EBF4: variants seen among roughly 807,000 people sequenced by gnomAD.
The protein encoded by EBF4 is EBF transcription factor 4.
EBF4 carries 34 observed loss-of-function variants against 67.1 expected under a neutral mutation model. The observed-to-expected ratio is 0.51, with a 90% CI of 0.39 to 0.67. EBF4 has a LOEUF of 0.67. Among genes scored for constraint, EBF4 ranks in the 30% least tolerant of loss-of-function variants. The pLI, the probability that EBF4 is intolerant of heterozygous loss-of-function variation, is 0.00. For missense variants in EBF4, 837 were observed against 873.3 expected (o/e 0.96, Z 0.52); for synonymous variants, 387 against 377.7 (o/e 1.02, Z -0.29).
At chr20:2,752,302 CCACCGCCCCTCCCCGGCCGG>C (rs1282510374) in intron 13 of EBF4, 35 bp from the exon 14 acceptor site, 2 of 1,206,484 alleles carry the variant, frequency 1.7e-6, no homozygotes, top group Non-Finnish European at 1.0e-6. Flanking sequence ...TCGGGCGCCG[CCACCGCCCCTCCCCGGCCGG>C]CACCGCCCCC....
chr20:2,741,454 A>G (rs1296578460), intron 6 of EBF4, among the ~76,000 whole-genome samples: 1 of 152,224 alleles, frequency 6.6e-6, no homozygotes, highest in Admixed American at 6.5e-5. Flanking sequence ...TGGGGAGTTA[A>G]TGCAATGGTG....
At position 2,755,025 on chromosome 20, in the gene EBF4, G is replaced by A. The variant is rs1442299596; in HGVS notation, c.1541-602G>A. 1 of 147,652 alleles carries A rather than the reference G, an allele frequency of 6.8e-6. No homozygotes were observed. Among genetic ancestry groups the A allele is most frequent in the East Asian group, 2.1e-4 (1 of 4,772 alleles). The allele number at this position is 147,652 out of a possible 1,614,324, so 9.1% of individuals were successfully genotyped here. A position where few individuals can be genotyped will look rare whatever the true frequency, so the allele number is the denominator to read the frequency against. On this transcript the variant is annotated intron_variant, in intron 14 of 16. Coordinates refer to ENST00000609451, the Ensembl canonical transcript of EBF4. This position sits in a 1 kb window ranked among gnomAD's most constrained non-coding sequence, Gnocchi z 4.7. Reference sequence around the variant, plus strand: ...GACAAGGACCTGCATTAAGCTGTAAGGAAACAAAGTACCCCAGGGTGCAGG... The same window carrying A: ...GACAAGGACCTGCATTAAGCTGTAAAGAAACAAAGTACCCCAGGGTGCAGG...
chr20:2,693,677 G>T lies in EBF4; in HGVS notation c.32G>T (p.Ser11Ile), dbSNP rs1188406848. ...CCTGCGCAGGACGCTCTGCCCCGCAGCGGGCTGAACCTGAAGGAGGAGCCG... is the reference window on the plus strand; with the variant it reads ...CCTGCGCAGGACGCTCTGCCCCGCATCGGGCTGAACCTGAAGGAGGAGCCG... Residue 11 changes from serine (S) to isoleucine (I), a missense_variant, in exon 1 of 17, where the codon AGC (serine) becomes ATC (isoleucine). By Grantham distance (142) the Ser-to-Ile change is moderately radical. Transcript: ENST00000609451. The surrounding 1 kb of genome is among the most constrained non-coding windows in gnomAD (Gnocchi z 4.6). 6.9e-7 allele frequency: 1 copy of T among 1,444,632 alleles called. No individual in the cohort carries two copies. Among genetic ancestry groups the T allele is most frequent in the Non-Finnish European group, 9.1e-7 (1 of 1,104,916 alleles). The allele number at this position is 1,444,632 out of a possible 1,614,324, so 89.5% of individuals were successfully genotyped here. A position where few individuals can be genotyped will look rare whatever the true frequency, so the allele number is the denominator to read the frequency against.
rs960185495 is a variant in EBF4, at chr20:2,739,640, C to T, written c.558-8909C>T. On this transcript the variant is annotated intron_variant, in intron 6 of 16. Transcript: ENST00000609451. The surrounding 1 kb of genome is among the most constrained non-coding windows in gnomAD (Gnocchi z 4.5). ...GAATGAGGGGATGAATGGCCCAGCC[C>T]TCTGTGTCCTCCTCTGTCCCTGAGC... is the stretch of plus-strand genomic sequence containing the variant. 6.6e-6 allele frequency among the ~76,000 whole-genome samples: 1 copy of T among 152,178 alleles called. No individual in the cohort carries two copies. Among genetic ancestry groups the T allele is most frequent in the Non-Finnish European group, 1.5e-5 (1 of 68,034 alleles).
intron 14 of EBF4, 34 bp downstream of exon 14, chr20:2,752,579 G>A (rs916131026): frequency 8.1e-7 from 1 of 1,229,406 alleles, no homozygotes; most frequent in Non-Finnish European, 1.0e-6. Context: ...GAAGGTCTGG[G>A]GCCGGGGAGC....
chr20:2,738,288 C>A (rs1041754307), intron 6 of EBF4, among the ~76,000 whole-genome samples: 2 of 152,168 alleles, frequency 1.3e-5, no homozygotes, highest in African/African-American at 4.8e-5. Context: ...AACTTCTTTC[C>A]TTCAGACTCC....
chr20:2,742,596 G>A (rs1042608024), intron 6 of EBF4, among the ~76,000 whole-genome samples: 2 of 152,178 alleles, frequency 1.3e-5, no homozygotes, highest in African/African-American at 4.8e-5. Flanking sequence ...TGGCCACAGT[G>A]GGATGGCACT....
chr20:2,698,509 CG>C (rs1449338827), intron 1 of EBF4, among the ~76,000 whole-genome samples: 3 of 152,088 alleles, frequency 2.0e-5, no homozygotes, highest in African/African-American at 7.2e-5. Flanking sequence ...TCAGCAGTCC[CG>C]GGGTCCAGAG....
intron 6 of EBF4, among the ~76,000 whole-genome samples, chr20:2,724,531 T>A (rs2087724457): frequency 6.6e-6 from 1 of 152,228 alleles, no homozygotes; most frequent in Non-Finnish European, 1.5e-5. Flanking sequence ...TCTTGAAAGA[T>A]GGTTGTTCTG....
At chr20:2,716,045 G>A (rs919226186) in intron 6 of EBF4, among the ~76,000 whole-genome samples, 2 of 149,216 alleles carry the variant, frequency 1.3e-5, no homozygotes, top group African/African-American at 2.5e-5. Context: ...CACCGCGCCC[G>A]GCCTTACTCT....
chr20:2,749,851 T>C, exon 10 of EBF4: 1 of 1,549,660 alleles, frequency 6.5e-7, no homozygotes. Context: ...TCGCAGCTCA[T>C]CACGCCCCAC....
Position 2,755,400 on chromosome 20 carries a change from A to G in EBF4, c.1541-227A>G. On this transcript the variant is annotated intron_variant, in intron 14 of 16. Transcript: ENST00000609451. This position sits in a 1 kb window ranked among gnomAD's most constrained non-coding sequence, Gnocchi z 4.7. The stretch of plus-strand genomic sequence containing the variant: ...ATGTTCTGGTTTTGCTTTTGTCTTT[A>G]CCTGGTCTGGCCCTGTCATCCCCAG... 2 of 532,762 alleles carry G rather than the reference A, an allele frequency of 3.8e-6. No individual in the cohort carries two copies. The highest frequency in any genetic ancestry group is 6.6e-6 in the Non-Finnish European group (2 of 302,094). The allele number at this position is 532,762 out of a possible 1,614,324, so 33.0% of individuals were successfully genotyped here. A position where few individuals can be genotyped will look rare whatever the true frequency, so the allele number is the denominator to read the frequency against.
intron 6 of EBF4, among the ~76,000 whole-genome samples, chr20:2,732,597 C>G (rs1357205436): frequency 2.0e-5 from 3 of 152,188 alleles, no homozygotes; most frequent in Admixed American, 2.0e-4. Context: ...CTTTTTCCAT[C>G]CCTTTATTTT....
chr20:2,709,546 C>A, intron 5 of EBF4, 28 bp from the exon 6 acceptor site: 1 of 1,539,846 alleles, frequency 6.5e-7, no homozygotes. Context: ...TGGCTTCTGC[C>A]TTCCCTCCTT....
rs2088228281 is a variant in EBF4 at position 2,755,581 on chromosome 20, C to T, written c.1541-46C>T. 4.1e-6 allele frequency: 4 copies of T among 969,498 alleles called. No individual in the cohort carries two copies. In the South Asian group the frequency reaches 5.6e-5, roughly 14 times the overall value. The allele number at this position is 969,498 out of a possible 1,614,324, so 60.1% of individuals were successfully genotyped here. Reference sequence around the variant, plus strand: ...GGTGCTGTCTCCCTGTTGTGTCTCCCACCACCTTCCCTGCTGCGCCTGCCC... The same window carrying T: ...GGTGCTGTCTCCCTGTTGTGTCTCCTACCACCTTCCCTGCTGCGCCTGCCC... On this transcript the variant is annotated intron_variant, in intron 14 of 16. Transcript: ENST00000609451. This position sits in a 1 kb window ranked among gnomAD's most constrained non-coding sequence, Gnocchi z 4.7.
At chr20:2,723,046 A>C (rs1883808) in intron 6 of EBF4, among the ~76,000 whole-genome samples, 38,624 of 152,062 alleles carry the variant, frequency 0.25, 6,695 homozygotes, top group African/African-American at 0.49. Context: ...CTCCCGCATG[A>C]GTTTTCAGCT....
intron 6 of EBF4, among the ~76,000 whole-genome samples, chr20:2,715,475 A>G (rs1212580594): frequency 6.6e-6 from 1 of 152,174 alleles, no homozygotes; most frequent in Admixed American, 6.5e-5. Flanking sequence ...TTTGTTTAGG[A>G]TATAAACTAG....
intron 8 of EBF4, 48 bp downstream of exon 8, chr20:2,749,566 C>T (rs906169641): frequency 6.5e-7 from 1 of 1,542,236 alleles, no homozygotes; most frequent in Non-Finnish European, 8.8e-7. Flanking sequence ...CAGCCAGCCC[C>T]CCAGGCCCCA....
At chr20:2,749,579 T>A (rs1389347218) in intron 8 of EBF4, 41 bp from the exon 9 acceptor site, 2 of 1,546,530 alleles carry the variant, frequency 1.3e-6, no homozygotes, top group African/African-American at 2.7e-5. Flanking sequence ...AGGCCCCACC[T>A]CAGCGCGGTC....
Sources: gnomAD v4.1 joint callset for allele counts (sites outside exome capture counted in the v4.1 genomes callset) on GRCh38, gnomAD v4.1.1 for gene constraint, Gnocchi (gnomAD v3.1) non-coding constraint, MANE v1.5 for transcripts, NCBI Gene and HGNC (gene_info 2026-07-23, HGNC 2026-07-21) for gene names.